ZNF829: variants seen among roughly 807,000 people sequenced by gnomAD.
The protein encoded by ZNF829 is zinc finger protein 829.
ZNF829 carries 25 observed loss-of-function variants against 35.2 expected under a neutral mutation model. The ratio of observed to expected loss-of-function variants is 0.71; its 90% confidence interval spans 0.52 to 0.99. ZNF829 has a LOEUF of 0.99. Among genes scored for constraint, ZNF829 ranks in the 50% least tolerant of loss-of-function variants. The pLI, the probability that ZNF829 is intolerant of heterozygous loss-of-function variation, is 0.00. For synonymous variants in ZNF829, 136 were observed against 163.2 expected (o/e 0.83, Z 1.27); for missense variants, 417 against 515.3 (o/e 0.81, Z 1.85).
rs549120105 is a variant in ZNF829, at chr19:36,915,896, C to A, written c.-85+115G>T. On this transcript the variant is annotated intron_variant, in intron 1 of 5. Coordinates refer to ENST00000391711, the MANE Select transcript of ZNF829 (RefSeq NM_001037232.4). ...TTTCAGGCCGCTCCGCCCGCAGGGG[C>A]CCAAGGCGCCAGCTCCCCATCGGTC... 289 of 1,535,990 alleles carry A rather than the reference C, an allele frequency of 1.9e-4. 1 individual carries two copies. The highest frequency in any genetic ancestry group is 2.4e-4 in the Non-Finnish European group (272 of 1,146,908).
chr19:36,900,963 A>T (rs1374584334), intron 5 of ZNF829, among the ~76,000 whole-genome samples: 1 of 152,212 alleles, frequency 6.6e-6, no homozygotes, highest in African/African-American at 2.4e-5. Flanking sequence ...AAAAGAGTCT[A>T]GCAGTTCCTC....
At chr19:36,911,073 G>A (rs1348813103) in intron 3 of ZNF829, among the ~76,000 whole-genome samples, 1 of 152,154 alleles carries the variant, frequency 6.6e-6, no homozygotes, top group Non-Finnish European at 1.5e-5. Context: ...GCTTTCCTGA[G>A]TTCTATATGT....
chr19:36,901,739 A>T (rs1366346817), intron 5 of ZNF829: 12 of 513,162 alleles, frequency 2.3e-5, no homozygotes, highest in Non-Finnish European at 3.2e-5. Context: ...TGGATCCGGC[A>T]GAATGGCTCC....
chr19:36,900,313 G>C (rs2073154325), intron 5 of ZNF829, among the ~76,000 whole-genome samples: 1 of 150,750 alleles, frequency 6.6e-6, no homozygotes, highest in Non-Finnish European at 1.5e-5. Flanking sequence ...TCACAGCACT[G>C]CAGCACTGCA....
intron 5 of ZNF829, among the ~76,000 whole-genome samples, chr19:36,898,417 A>C (rs1251296356): frequency 6.6e-6 from 1 of 152,230 alleles, no homozygotes; most frequent in African/African-American, 2.4e-5. Context: ...AAATGAACAT[A>C]CTTCCCAAAG....
intron 5 of ZNF829, chr19:36,907,493 A>T (rs963276113): frequency 1.7e-5 from 3 of 176,492 alleles, no homozygotes; most frequent in African/African-American, 7.2e-5. Flanking sequence ...TGTGTATGTT[A>T]TACTTCAATT....
intron 5 of ZNF829, among the ~76,000 whole-genome samples, chr19:36,896,249 T>TGAA (rs1600731177): frequency 6.7e-6 from 1 of 149,414 alleles, no homozygotes; most frequent in East Asian, 2.0e-4. Flanking sequence ...AGACGGAGCC[T>TGAA]GAAGTGAGCC....
chr19:36,910,668 G>A (rs535121068), intron 3 of ZNF829, among the ~76,000 whole-genome samples: 43 of 152,166 alleles, frequency 2.8e-4, no homozygotes, highest in Non-Finnish European at 4.7e-4. Context: ...CTTGCCCTAT[G>A]CATCTCTTCC....
chr19:36,899,610 C>T (rs1470788591), intron 5 of ZNF829, among the ~76,000 whole-genome samples: 3 of 151,046 alleles, frequency 2.0e-5, no homozygotes, highest in Non-Finnish European at 4.4e-5. Flanking sequence ...TGCTTGTGCT[C>T]CATAAATATG....
At chr19:36,908,482 A>G (rs777386928) in intron 3 of ZNF829, 23 bp from the exon 4 acceptor site, 38 of 1,578,018 alleles carry the variant, frequency 2.4e-5, no homozygotes, top group Non-Finnish European at 3.2e-5. Context: ...ACATGCTTTC[A>G]CAATGAAAGG....
chr19:36,902,515 G>T (rs1187312305), intron 5 of ZNF829, among the ~76,000 whole-genome samples: 1 of 152,012 alleles, frequency 6.6e-6, no homozygotes, highest in East Asian at 1.9e-4. Flanking sequence ...TGCACCTGTA[G>T]TCCCAGCTAC....
intron 5 of ZNF829, among the ~76,000 whole-genome samples, chr19:36,893,266 T>C (rs2073079545): frequency 6.6e-6 from 1 of 152,154 alleles, no homozygotes; most frequent in South Asian, 2.1e-4. Context: ...CAGCATGATA[T>C]GGGCTAGGAA....
At chr19:36,898,426 AGCAATCTACAGATTCAAT>A (rs1263427520) in intron 5 of ZNF829, among the ~76,000 whole-genome samples, 2 of 152,342 alleles carry the variant, frequency 1.3e-5, no homozygotes, top group African/African-American at 2.4e-5. Flanking sequence ...TACTTCCCAA[AGCAATCTACAGATTCAAT>A]GCAATCTACA....
At chr19:36,902,339 G>A (rs898424307) in intron 5 of ZNF829, among the ~76,000 whole-genome samples, 53 of 152,218 alleles carry the variant, frequency 3.5e-4, no homozygotes, top group South Asian at 4.1e-4. Context: ...TAAATTTTAA[G>A]ATTATAAAAA....
chr19:36,909,314 G>A (rs1412277141), intron 3 of ZNF829, among the ~76,000 whole-genome samples: 1 of 152,114 alleles, frequency 6.6e-6, no homozygotes, highest in Non-Finnish European at 1.5e-5. Context: ...TGACAGCAAT[G>A]TTAGAGAATT....
chr19:36,914,115 G>GAA, intron 3 of ZNF829, among the ~76,000 whole-genome samples: 1 of 152,200 alleles, frequency 6.6e-6, no homozygotes, highest in East Asian at 1.9e-4. Context: ...ATCTAAACAT[G>GAA]AAAGTGAAAC....
intron 5 of ZNF829, 100 bp downstream of exon 5, chr19:36,907,829 A>G (rs962359964): frequency 1.0e-6 from 1 of 979,002 alleles, no homozygotes; most frequent in Admixed American, 2.7e-5. Context: ...GGGATAGCTT[A>G]TATGGAAGAG....
At chr19:36,915,748 C>A in intron 1 of ZNF829, 1 of 1,030,816 alleles carries the variant, frequency 9.7e-7, no homozygotes, top group East Asian at 2.7e-5. Flanking sequence ...AGGCGCGCGC[C>A]ACCATGCCTA....
chr19:36,892,012 C>G lies in ZNF829; in HGVS notation c.779G>C (p.Arg260Thr), dbSNP rs543853566. Reference protein sequence around the residue: ...KYCSNLNDHQRIHTGEKPYEC... With the variant: ...KYCSNLNDHQTIHTGEKPYEC... Reference sequence around the variant, plus strand: ...ATAGGGTTTCTCACCAGTGTGAATTCTCTGATGATCATTAAGGTTTGAGCA... The same window carrying G: ...ATAGGGTTTCTCACCAGTGTGAATTGTCTGATGATCATTAAGGTTTGAGCA... Residue 260 changes from arginine (R) to threonine (T), a missense_variant, in exon 6 of 6, where the codon AGA becomes ACA. Physicochemically the swap from Arg to Thr is moderately conservative, Grantham distance 71. Transcript: ENST00000391711. 6.2e-7 allele frequency: 1 copy of G among 1,613,798 alleles called. No individual in the cohort carries two copies. The highest frequency in any genetic ancestry group is 2.2e-5 in the East Asian group (1 of 44,862).
Sources: allele counts gnomAD v4.1 joint callset (sites outside exome capture counted in the v4.1 genomes callset), GRCh38; gene constraint gnomAD v4.1.1; transcripts MANE v1.5; gene names NCBI Gene and HGNC (gene_info 2026-07-23, HGNC 2026-07-21).